Variants in MYT1L observed in about 807,000 individuals in gnomAD.
The protein encoded by MYT1L is myelin transcription factor 1 like, also known as myelin transcription factor 1-like protein.
MYT1L carries 12 observed loss-of-function variants against 126.7 expected under a neutral mutation model. That is an observed-to-expected ratio of 0.09 (90% confidence interval 0.06 to 0.15). The LOEUF is 0.15. Among genes scored for constraint, MYT1L ranks in the 10% least tolerant of loss-of-function variants. MYT1L has a pLI of 1.00. For synonymous variants in MYT1L, 541 were observed against 604.2 expected, an observed-to-expected ratio of 0.90 and a Z score of 1.53; for missense variants, 979 against 1,585.2, an observed-to-expected ratio of 0.62 and a Z score of 6.49.
chr2:2,221,477 G>A (rs938065537), intron 2 of MYT1L, among the ~76,000 whole-genome samples: 1 of 152,192 alleles, frequency 6.6e-6, no homozygotes, highest in East Asian at 1.9e-4. Context: ...GCAATCCTTG[G>A]GTGGCCACAC....
At chr2:1,985,830 C>T (rs1399452262) in intron 5 of MYT1L, among the ~76,000 whole-genome samples, 4 of 152,152 alleles carry the variant, frequency 2.6e-5, no homozygotes, top group Admixed American at 1.3e-4. Context: ...TGTGAGAGTG[C>T]GACCACCCAG....
At chr2:2,151,741 A>G (rs1232729223) in intron 3 of MYT1L, among the ~76,000 whole-genome samples, 1 of 152,226 alleles carries the variant, frequency 6.6e-6, no homozygotes, top group Non-Finnish European at 1.5e-5. Flanking sequence ...GTAACTAACA[A>G]AAAAAGTAGC....
intron 2 of MYT1L, among the ~76,000 whole-genome samples, chr2:2,232,100 T>C (rs1040230584): frequency 2.0e-5 from 3 of 152,200 alleles, no homozygotes; most frequent in Non-Finnish European, 4.4e-5. Context: ...CAATGAGAAA[T>C]AGGCAAGAAG....
chr2:2,270,377 T>C (rs1445354436), intron 2 of MYT1L, among the ~76,000 whole-genome samples: 1 of 152,204 alleles, frequency 6.6e-6, no homozygotes, highest in African/African-American at 2.4e-5. Context: ...ATTCCTTTAG[T>C]CATGAGCTTG....
At chr2:2,103,257 T>G (rs749289081) in intron 3 of MYT1L, among the ~76,000 whole-genome samples, 1 of 152,050 alleles carries the variant, frequency 6.6e-6, no homozygotes, top group African/African-American at 2.4e-5. Context: ...ATTTGAAAAA[T>G]TAATCATCCT....
At chr2:2,092,795 G>A (rs1189518169) in intron 3 of MYT1L, among the ~76,000 whole-genome samples, 1 of 152,170 alleles carries the variant, frequency 6.6e-6, no homozygotes, top group Non-Finnish European at 1.5e-5. Context: ...TGCACTTGGG[G>A]GCTGTTGTAA....
intron 1 of MYT1L, among the ~76,000 whole-genome samples, chr2:2,316,897 G>A (rs1265841249): frequency 4.6e-5 from 7 of 151,196 alleles, no homozygotes; most frequent in Admixed American, 2.6e-4. Flanking sequence ...TACAATCTCC[G>A]CCTCCAGGGT....
At chr2:2,192,179 C>A (rs1028306318) in intron 2 of MYT1L, among the ~76,000 whole-genome samples, 1 of 152,324 alleles carries the variant, frequency 6.6e-6, no homozygotes, top group South Asian at 2.1e-4. Context: ...AGAAGGCTGA[C>A]CTGAATCATC....
chr2:2,004,587 C>T (rs2062941330), intron 4 of MYT1L, among the ~76,000 whole-genome samples: 1 of 150,940 alleles, frequency 6.6e-6, no homozygotes, highest in African/African-American at 2.5e-5. Flanking sequence ...GCGTTCTTTC[C>T]TGCATGCGTT....
chr2:2,319,116 T>A (rs998358684), intron 1 of MYT1L: 1 of 152,206 alleles, frequency 6.6e-6, no homozygotes, highest in East Asian at 1.9e-4. Flanking sequence ...GATAACCAGG[T>A]TGGCAGCCCC....
At chr2:2,313,651 G>A (rs2096013093) in intron 1 of MYT1L, among the ~76,000 whole-genome samples, 1 of 151,862 alleles carries the variant, frequency 6.6e-6, no homozygotes, top group South Asian at 2.1e-4. Flanking sequence ...AAGTGCCAAG[G>A]GTGTGGCTAT....
intron 2 of MYT1L, among the ~76,000 whole-genome samples, chr2:2,254,325 A>G (rs746474016): frequency 3.3e-5 from 5 of 152,208 alleles, no homozygotes; most frequent in Non-Finnish European, 7.3e-5. Context: ...AACTCCATCA[A>G]TCCATGAAGG....
chr2:1,944,530 C>T (rs913933359), intron 8 of MYT1L, among the ~76,000 whole-genome samples: 6 of 152,176 alleles, frequency 3.9e-5, no homozygotes, highest in African/African-American at 1.4e-4. Flanking sequence ...GAGGTGTGGC[C>T]TCTCTCACTG....
chr2:1,938,332 T>C (rs1269966965), intron 9 of MYT1L, among the ~76,000 whole-genome samples: 1 of 152,208 alleles, frequency 6.6e-6, no homozygotes, highest in Non-Finnish European at 1.5e-5. Context: ...ATATTTATCA[T>C]AACATAAAAA....
intron 2 of MYT1L, among the ~76,000 whole-genome samples, chr2:2,272,587 C>T (rs914707239): frequency 6.6e-6 from 1 of 152,180 alleles, no homozygotes; most frequent in African/African-American, 2.4e-5. Context: ...AAATAAACAG[C>T]TTCTGCCTCG....
At position 1,935,809 on chromosome 2, in the gene MYT1L, A is replaced by G. The variant is rs560010945; in HGVS notation, c.505+7173T>C. 2.6e-5 allele frequency among the ~76,000 whole-genome samples: 4 copies of G among 152,342 alleles called. No individual in the cohort carries two copies. In the South Asian group the frequency reaches 8.3e-4, roughly 32 times the overall value. ...ATAAACTGTTATTTTCTTAGAGTGG[A>G]CTTTATAAGCAAATTGAACAGAAAC... On this transcript the variant is annotated intron_variant, in intron 9 of 24. Transcript: ENST00000647738.
chr2:2,052,378 C>T (rs1033820223), intron 4 of MYT1L, among the ~76,000 whole-genome samples: 3 of 152,104 alleles, frequency 2.0e-5, no homozygotes, highest in Non-Finnish European at 4.4e-5. Context: ...TTGGATTTGG[C>T]AATGATTGAT....
chr2:1,818,299 G>A (rs1403122508), intron 21 of MYT1L, among the ~76,000 whole-genome samples: 4 of 152,200 alleles, frequency 2.6e-5, no homozygotes, highest in Non-Finnish European at 5.9e-5. Flanking sequence ...ACAAAGAGCT[G>A]CGGGTGGGAA....
chr2:2,261,280 G>T (rs983888104), intron 2 of MYT1L, among the ~76,000 whole-genome samples: 1 of 152,010 alleles, frequency 6.6e-6, no homozygotes, highest in African/African-American at 2.4e-5. Context: ...CATTTCTATT[G>T]CACTTATACA....
Sources: gnomAD v4.1 joint callset for allele counts (sites outside exome capture counted in the v4.1 genomes callset) on GRCh38, gnomAD v4.1.1 for gene constraint, MANE v1.5 for transcripts, NCBI Gene and HGNC (gene_info 2026-07-23, HGNC 2026-07-21) for gene names.